DOCK2: variants seen among roughly 807,000 people sequenced by gnomAD.
DOCK2 encodes dedicator of cytokinesis protein 2.
Under a neutral mutation model 248.9 loss-of-function variants are expected in DOCK2, and 87 were observed. That is an observed-to-expected ratio of 0.35 (90% confidence interval 0.29 to 0.42). DOCK2 has a LOEUF of 0.42. Ranked by LOEUF, DOCK2 falls within the 10% of genes least tolerant of loss-of-function variation. The pLI is 1.00. For missense variants in DOCK2, 1,747 were observed against 2,300.2 expected (o/e 0.76, Z 4.92); for synonymous variants, 805 against 821.6 (o/e 0.98, Z 0.35).
In DOCK2 at chr5:169,764,847, G is replaced by T. The variant is rs1170986258; in HGVS notation, c.2554+3222G>T. Among the ~76,000 whole-genome samples, 2 of 145,634 alleles carry T rather than the reference G, an allele frequency of 1.4e-5. No individual in the cohort carries two copies. Among genetic ancestry groups the T allele is most frequent in the East Asian group, 2.2e-4 (1 of 4,478 alleles). ...CTCCATTCTGACTTTGAACGTGTTT[G>T]TTGTTGTTGTTGTTGTTGTTGTTGT... On this transcript the variant is annotated intron_variant, in intron 25 of 51. Coordinates refer to ENST00000520908, the MANE Select transcript of DOCK2 (RefSeq NM_004946.3). This position sits in a 1 kb window ranked among gnomAD's most constrained non-coding sequence, Gnocchi z 4.3.
chr5:170,082,959 TC>T lies in DOCK2; in HGVS notation c.*105del. The T allele has an allele frequency of 6.8e-7, 1 of 1,474,374 alleles. No homozygotes were observed. The highest frequency in any genetic ancestry group is 9.4e-7 in the Non-Finnish European group (1 of 1,065,156). 91.3% of individuals were successfully genotyped at this position (1,474,374 alleles called of 1,614,324 possible). A position where few individuals can be genotyped will look rare whatever the true frequency, so the allele number is the denominator to read the frequency against. Reference sequence around the variant, plus strand: ...CGAAGCCTCAGAGAGTGGGAGACTGTCCCCATCAGTTGTCCTTACTTAGAGG... The same window carrying T: ...CGAAGCCTCAGAGAGTGGGAGACTGTCCCATCAGTTGTCCTTACTTAGAGG... On this transcript the variant is annotated 3_prime_UTR_variant, in exon 52 of 52. Transcript: ENST00000520908.
intron 46 of DOCK2, among the ~76,000 whole-genome samples, chr5:170,073,632 AT>A (rs1264702761): frequency 5.3e-5 from 8 of 152,062 alleles, no homozygotes; most frequent in African/African-American, 1.9e-4. Flanking sequence ...GTTTTCACAT[AT>A]TTTATTTTCT....
chr5:170,007,775 C>T (rs2113808993), intron 30 of DOCK2, among the ~76,000 whole-genome samples: 1 of 152,286 alleles, frequency 6.6e-6, no homozygotes, highest in Non-Finnish European at 1.5e-5. Flanking sequence ...TACAAGCCTG[C>T]ATCTCAGCTG....
At chr5:169,850,972 T>C (rs1770592963) in intron 27 of DOCK2, among the ~76,000 whole-genome samples, 1 of 152,234 alleles carries the variant, frequency 6.6e-6, no homozygotes, top group African/African-American at 2.4e-5. Flanking sequence ...TTCCGGTTGT[T>C]CGTTGTCCTT....
Position 169,711,133 on chromosome 5 carries a change from A to G in DOCK2, c.1483-802A>G, listed in dbSNP as rs890475524. On this transcript the variant is annotated intron_variant, in intron 15 of 51. Transcript: ENST00000520908. Reference sequence around the variant, plus strand: ...CTCAAGCCTCATTTTCTGCAACAGAAAGTGCCCCCAAGTATACATTTGTTT... The same window carrying G: ...CTCAAGCCTCATTTTCTGCAACAGAGAGTGCCCCCAAGTATACATTTGTTT... Among the ~76,000 whole-genome samples, 6 of 152,232 alleles carry G rather than the reference A, an allele frequency of 3.9e-5. No individual in the cohort carries two copies. The East Asian group carries it at 1.2e-3, about 29-fold the overall frequency.
intron 29 of DOCK2, among the ~76,000 whole-genome samples, chr5:169,986,637 G>T (rs922139781): frequency 7.2e-5 from 11 of 152,216 alleles, no homozygotes; most frequent in African/African-American, 2.4e-4. Context: ...ATTCCCTTGG[G>T]TTTATTTCTA....
intron 33 of DOCK2, among the ~76,000 whole-genome samples, chr5:170,020,103 C>T (rs939914005): frequency 6.6e-5 from 10 of 152,194 alleles, no homozygotes; most frequent in African/African-American, 1.4e-4. Context: ...CCAGCATCCC[C>T]GGCCCTCCCG....
At chr5:169,842,126 G>A (rs1295325714) in intron 27 of DOCK2, among the ~76,000 whole-genome samples, 1 of 152,116 alleles carries the variant, frequency 6.6e-6, no homozygotes, top group African/African-American at 2.4e-5. Context: ...TTTCAGTGTT[G>A]GCAGTTTATT....
chr5:170,034,106 C>T (rs761329582), intron 34 of DOCK2, among the ~76,000 whole-genome samples: 1 of 152,126 alleles, frequency 6.6e-6, no homozygotes, highest in East Asian at 1.9e-4. Context: ...AAAATTGCTT[C>T]CCCAAAAAAG....
intron 27 of DOCK2, among the ~76,000 whole-genome samples, chr5:169,844,830 A>T (rs1770208796): frequency 6.6e-6 from 1 of 152,074 alleles, no homozygotes. Context: ...TGTGAAATAA[A>T]TGGAGTAATA....
At chr5:169,717,658 A>C (rs1159777187) in intron 21 of DOCK2, among the ~76,000 whole-genome samples, 174 bp downstream of exon 21, 1 of 152,224 alleles carries the variant, frequency 6.6e-6, no homozygotes, top group Non-Finnish European at 1.5e-5. Flanking sequence ...AAAATGTGGA[A>C]TACCCATAGG....
chr5:169,846,597 T>TACAC (rs1770324007), intron 27 of DOCK2, among the ~76,000 whole-genome samples: 1 of 104,986 alleles, frequency 9.5e-6, no homozygotes, highest in East Asian at 3.2e-4. Context: ...TATATATATA[T>TACAC]ACACACACAT....
chr5:169,735,355 T>A (rs888760973), intron 22 of DOCK2, among the ~76,000 whole-genome samples: 1 of 152,162 alleles, frequency 6.6e-6, no homozygotes, highest in Non-Finnish European at 1.5e-5. Context: ...TCAGCTCCCT[T>A]CTGCTGTGGG....
chr5:170,015,656 G>A (rs941452060), intron 32 of DOCK2, among the ~76,000 whole-genome samples: 10 of 152,044 alleles, frequency 6.6e-5, no homozygotes, highest in African/African-American at 1.2e-4. Flanking sequence ...CCAGGGAGTC[G>A]TAACTTGCCC....
intron 34 of DOCK2, among the ~76,000 whole-genome samples, chr5:170,029,828 C>T (rs1756064198): frequency 6.6e-6 from 1 of 152,202 alleles, no homozygotes; most frequent in Non-Finnish European, 1.5e-5. Flanking sequence ...CTTGCTCTGA[C>T]CCCCTACAAT....
At chr5:169,713,431 T>G (rs1034328118) in intron 17 of DOCK2, among the ~76,000 whole-genome samples, 3 of 152,236 alleles carry the variant, frequency 2.0e-5, no homozygotes, top group African/African-American at 7.2e-5. Context: ...TCATTCATTT[T>G]AACATGCCAC....
At chr5:169,938,859 C>A (rs1246730141) in intron 27 of DOCK2, among the ~76,000 whole-genome samples, 1 of 151,584 alleles carries the variant, frequency 6.6e-6, no homozygotes, top group Non-Finnish European at 1.5e-5. Flanking sequence ...AAAATATTTT[C>A]TTTCTTCATA....
chr5:169,672,090 T>G (rs1489492711), intron 5 of DOCK2, among the ~76,000 whole-genome samples: 3 of 152,162 alleles, frequency 2.0e-5, no homozygotes, highest in Non-Finnish European at 4.4e-5. Flanking sequence ...CACTGCAGCC[T>G]CTGCCTCCTG....
At chr5:169,950,979 G>A (rs1011504855) in intron 27 of DOCK2, among the ~76,000 whole-genome samples, 11 of 152,186 alleles carry the variant, frequency 7.2e-5, no homozygotes, top group Non-Finnish European at 1.3e-4. Flanking sequence ...AAATTGGGCG[G>A]TTGAATGTAA....
Sources: allele counts gnomAD v4.1 joint callset (sites outside exome capture counted in the v4.1 genomes callset), GRCh38; gene constraint gnomAD v4.1.1; non-coding constraint Gnocchi (gnomAD v3.1); transcripts MANE v1.5; gene names NCBI Gene and HGNC (gene_info 2026-07-23, HGNC 2026-07-21).